Variants in GFOD1 observed in about 807,000 individuals in gnomAD.
GFOD1 encodes Gfo/Idh/MocA-like oxidoreductase domain containing 1.
GFOD1 carries 9 observed loss-of-function variants against 25.4 expected under a neutral mutation model. The ratio of observed to expected loss-of-function variants is 0.35; its 90% confidence interval spans 0.21 to 0.62. GFOD1 has a LOEUF of 0.62. GFOD1 is among the 20% of genes least tolerant of loss of function. The pLI, the probability that GFOD1 is intolerant of heterozygous loss-of-function variation, is 0.72. For synonymous variants in GFOD1, 253 were observed against 245.6 expected (o/e 1.03, Z -0.28); for missense variants, 403 against 556.9 (o/e 0.72, Z 2.78).
chr6:13,408,627 G>C (rs72826939), intron 1 of GFOD1, among the ~76,000 whole-genome samples: 1 of 152,108 alleles, frequency 6.6e-6, no homozygotes, highest in Non-Finnish European at 1.5e-5. Context: ...CCTGATGCCC[G>C]GGCCCCTCTA....
Position 13,487,036 on chromosome 6 carries a change from G to A in GFOD1, c.-146C>T. 1.0e-6 allele frequency: 1 copy of A among 1,000,318 alleles called. No individual in the cohort carries two copies. Among genetic ancestry groups the A allele is most frequent in the Non-Finnish European group, 1.4e-6 (1 of 699,294 alleles). The allele number at this position is 1,000,318 out of a possible 1,614,324, so 62.0% of individuals were successfully genotyped here. On this transcript the variant is annotated 5_prime_UTR_variant, in exon 1 of 2. Coordinates refer to ENST00000379287, the MANE Select transcript of GFOD1 (RefSeq NM_018988.4). The surrounding 1 kb of genome is among the most constrained non-coding windows in gnomAD (Gnocchi z 4.9). ...CCGCCGTGCACCGGGCAAGGCGCCC[G>A]GGTGCCCAGAGCGCACCGAGCTGCA...
chr6:13,484,969 C>T (rs577264682), intron 1 of GFOD1, among the ~76,000 whole-genome samples: 1 of 152,268 alleles, frequency 6.6e-6, no homozygotes, highest in South Asian at 2.1e-4. Context: ...AGAATTATAC[C>T]ATAAGATCGT....
In GFOD1 at chr6:13,486,628, G is replaced by C. The variant is rs1758878369; in HGVS notation, c.253+10C>G. On this transcript the variant is annotated intron_variant, in intron 1 of 1. Coordinates refer to ENST00000379287, the MANE Select transcript of GFOD1 (RefSeq NM_018988.4). ...GGTGGGACGGAGGATGCGGGGTAGG[G>C]GTCGCTCACCTAGGGTTTTGACAGC... The C allele has an allele frequency of 6.2e-7, 1 of 1,613,004 alleles. No individual in the cohort carries two copies. The highest frequency in any genetic ancestry group is 1.1e-5 in the South Asian group (1 of 91,048).
At chr6:13,434,923 C>A (rs995723729) in intron 1 of GFOD1, among the ~76,000 whole-genome samples, 1 of 152,200 alleles carries the variant, frequency 6.6e-6, no homozygotes, top group Non-Finnish European at 1.5e-5. Flanking sequence ...AGACCACTTG[C>A]GGCAGCAAGG....
rs1318467381 is a variant in GFOD1 at position 13,361,567 on chromosome 6, C to T, written c.*3176G>A. ...GAACGGTGCTGGGCTGAAACAAAGT[C>T]CTTCTGCAGAACACTGTTGAAGGCT... On this transcript the variant is annotated 3_prime_UTR_variant, in exon 2 of 2. Transcript: ENST00000379287. The T allele has an allele frequency of 6.6e-6, 1 of 152,292 alleles. No homozygotes were observed. Among genetic ancestry groups the T allele is most frequent in the African/African-American group, 2.4e-5 (1 of 41,438 alleles). The allele number at this position is 152,292 out of a possible 1,614,324, so 9.4% of individuals were successfully genotyped here. A position where few individuals can be genotyped will look rare whatever the true frequency, so the allele number is the denominator to read the frequency against.
intron 1 of GFOD1, among the ~76,000 whole-genome samples, chr6:13,383,271 C>G (rs1785401780): frequency 6.6e-6 from 1 of 152,222 alleles, no homozygotes; most frequent in Non-Finnish European, 1.5e-5. Flanking sequence ...ACTTTCTGTG[C>G]TTTAGAACCA....
Position 13,375,274 on chromosome 6 carries a change from C to T in GFOD1, c.254-9612G>A, listed in dbSNP as rs867872304. Among the ~76,000 whole-genome samples, 5 of 152,282 alleles carry T rather than the reference C, an allele frequency of 3.3e-5. No homozygotes were observed. In the East Asian group the frequency reaches 9.6e-4, roughly 29 times the overall value. ...AAGGCTGGCTAGGTTATTCTTTGCA[C>T]CCATGTCACCCAGAGATACACGCTC... On this transcript the variant is annotated intron_variant, in intron 1 of 1. Transcript: ENST00000379287.
intron 1 of GFOD1, among the ~76,000 whole-genome samples, chr6:13,462,663 TA>T (rs1254160248): frequency 6.6e-6 from 1 of 152,202 alleles, no homozygotes; most frequent in Non-Finnish European, 1.5e-5. Context: ...CTGGGCCCCT[TA>T]ATGTTCCCAG....
intron 1 of GFOD1, among the ~76,000 whole-genome samples, chr6:13,473,636 T>A (rs1280928815): frequency 6.6e-6 from 1 of 152,274 alleles, no homozygotes; most frequent in Non-Finnish European, 1.5e-5. Context: ...GCAGGTCAAC[T>A]GCAAGCCACA....
At chr6:13,367,669 A>G (rs768956298) in intron 1 of GFOD1, among the ~76,000 whole-genome samples, 16 of 151,964 alleles carry the variant, frequency 1.1e-4, no homozygotes, top group Non-Finnish European at 1.9e-4. Flanking sequence ...GTGGCAGGGA[A>G]TGAGAAAGGG....
chr6:13,421,584 C>T (rs907320306), intron 1 of GFOD1, among the ~76,000 whole-genome samples: 2 of 152,182 alleles, frequency 1.3e-5, no homozygotes, highest in Non-Finnish European at 2.9e-5. Flanking sequence ...TCCACACTAT[C>T]CCAACCTCTA....
intron 1 of GFOD1, among the ~76,000 whole-genome samples, chr6:13,391,511 C>CAAAAAAAAA (rs57340590): frequency 3.7e-4 from 40 of 108,558 alleles, no homozygotes; most frequent in African/African-American, 6.6e-4. Flanking sequence ...AACAAACAAA[C>CAAAAAAAAA]AAAAAAAAAA....
chr6:13,442,323 C>A (rs773956096), intron 1 of GFOD1, among the ~76,000 whole-genome samples: 3 of 152,166 alleles, frequency 2.0e-5, no homozygotes, highest in Non-Finnish European at 2.9e-5. Flanking sequence ...TGCGACCCTG[C>A]GTCAAACAAG....
chr6:13,454,216 C>T (rs1052909931), intron 1 of GFOD1, among the ~76,000 whole-genome samples: 10 of 152,162 alleles, frequency 6.6e-5, no homozygotes, highest in African/African-American at 2.4e-4. Flanking sequence ...CCCTCACAGC[C>T]CTCAGAAGGA....
intron 1 of GFOD1, among the ~76,000 whole-genome samples, chr6:13,466,803 T>A (rs1758386808): frequency 6.6e-6 from 1 of 152,220 alleles, no homozygotes. Context: ...CCCACTGCTT[T>A]GCTAGCTTGA....
chr6:13,441,576 T>G (rs1420498548), intron 1 of GFOD1, among the ~76,000 whole-genome samples: 1 of 152,246 alleles, frequency 6.6e-6, no homozygotes, highest in African/African-American at 2.4e-5. Flanking sequence ...TAGTAAGTTC[T>G]CCCTTCATCA....
chr6:13,434,847 C>T (rs370645153), intron 1 of GFOD1, among the ~76,000 whole-genome samples: 8 of 152,154 alleles, frequency 5.3e-5, no homozygotes, highest in Middle Eastern at 3.2e-3. Context: ...CAAGGCAAAA[C>T]GTGGTTGGAA....
At position 13,370,308 on chromosome 6, in the gene GFOD1, CA is replaced by C. The variant is rs373598918; in HGVS notation, c.254-4647del. Among the ~76,000 whole-genome samples, 606 of 152,352 alleles carry C rather than the reference CA, an allele frequency of 4.0e-3. 4 individuals carry two copies. The highest frequency in any genetic ancestry group is 0.014 in the African/African-American group (562 of 41,570). On this transcript the variant is annotated intron_variant, in intron 1 of 1. Coordinates refer to ENST00000379287, the MANE Select transcript of GFOD1 (RefSeq NM_018988.4). Reference sequence around the variant, plus strand: ...AAAACATGCAACTCAGACAGATGCACAAAACTCTGCCACAACCTGAAGCCCA... The same window carrying C: ...AAAACATGCAACTCAGACAGATGCACAAACTCTGCCACAACCTGAAGCCCA...
intron 1 of GFOD1, among the ~76,000 whole-genome samples, chr6:13,477,919 C>T (rs1758662460): frequency 6.6e-6 from 1 of 151,944 alleles, no homozygotes; most frequent in Non-Finnish European, 1.5e-5. Context: ...CAAAAATTAG[C>T]CAGGCGTGGT....
Sources: allele counts gnomAD v4.1 joint callset (sites outside exome capture counted in the v4.1 genomes callset), GRCh38; gene constraint gnomAD v4.1.1; non-coding constraint Gnocchi (gnomAD v3.1); transcripts MANE v1.5; gene names NCBI Gene and HGNC (gene_info 2026-07-23, HGNC 2026-07-21).